AFF2: variants seen among roughly 807,000 people sequenced by gnomAD.
AFF2 encodes AF4/FMR2 family member 2.
Under a neutral mutation model 76.9 loss-of-function variants are expected in AFF2, and 14 were observed. The ratio of observed to expected loss-of-function variants is 0.18; its 90% CI spans 0.12 to 0.28. The LOEUF (loss-of-function observed/expected upper bound fraction) is 0.28, where lower values mean the gene tolerates loss of function less well. AFF2 is among the 10% of genes least tolerant of loss of function. The pLI is 1.00. For synonymous variants in AFF2, 398 were observed against 366.7 expected, an observed-to-expected ratio of 1.09 and a Z score of -0.98; for missense variants, 868 against 1,001.1, an observed-to-expected ratio of 0.87 and a Z score of 1.79.
intron 1 of AFF2, among the ~76,000 whole-genome samples, chrX:148,643,317 G>A (rs200596007): frequency 2.7e-5 from 3 of 111,546 alleles, no homozygotes; most frequent in Admixed American, 1.9e-4. Context: ...TTCACTATCC[G>A]ATTACATATT....
rs150969418 is a variant in AFF2 at position 148,557,913 on chromosome X, T to C, written c.47+56769T>C. Among the ~76,000 whole-genome samples the C allele has an allele frequency of 5.4e-3, 609 of 112,051 alleles. 7 individuals are homozygous for C. The highest frequency in any genetic ancestry group is 0.027 in the Middle Eastern group (6 of 219). ...ATCCTTTCAAATGGTGCCAATTATA[T>C]TCACAGAGAGGTTAAATAACTTGTC... On this transcript the variant is annotated intron_variant, in intron 1 of 20. Coordinates refer to ENST00000370460, the MANE Select transcript of AFF2 (RefSeq NM_002025.4).
At chrX:148,819,506 G>A (rs1299960194) in intron 4 of AFF2, among the ~76,000 whole-genome samples, 1 of 110,961 alleles carries the variant, frequency 9.0e-6, no homozygotes, top group Non-Finnish European at 1.9e-5. Context: ...TACTAAATCA[G>A]GTTGTCTATT....
At chrX:148,712,393 TA>T (rs782372495) in intron 3 of AFF2, among the ~76,000 whole-genome samples, 1 of 111,322 alleles carries the variant, frequency 9.0e-6, no homozygotes, top group African/African-American at 3.3e-5. Flanking sequence ...ATTTCATATA[TA>T]AAAAAATCTG....
intron 3 of AFF2, among the ~76,000 whole-genome samples, chrX:148,694,019 G>C (rs1333049597): frequency 1.8e-5 from 2 of 110,314 alleles, no homozygotes; most frequent in Non-Finnish European, 3.8e-5. Context: ...GTCCTTTGTA[G>C]GGACATGGAT....
chrX:148,501,315 C>G (rs1350693959), intron 1 of AFF2, among the ~76,000 whole-genome samples, 171 bp downstream of exon 1: 1 of 112,489 alleles, frequency 8.9e-6, no homozygotes, highest in African/African-American at 3.2e-5. Context: ...GGTCGGATGC[C>G]GGGGTGGGGG....
At chrX:148,536,322 T>C (rs782800734) in intron 1 of AFF2, among the ~76,000 whole-genome samples, 2 of 111,790 alleles carry the variant, frequency 1.8e-5, no homozygotes, top group East Asian at 2.8e-4. Flanking sequence ...ATCTTGTGCC[T>C]GGTTGTGGGT....
At chrX:148,732,624 AACT>A (rs1437378937) in intron 3 of AFF2, among the ~76,000 whole-genome samples, 2 of 106,314 alleles carry the variant, frequency 1.9e-5, no homozygotes, top group Non-Finnish European at 3.9e-5. Flanking sequence ...AAAAAAAAAA[AACT>A]ACTGTGATTT....
intron 4 of AFF2, among the ~76,000 whole-genome samples, chrX:148,832,488 G>A (rs1438844160): frequency 8.9e-6 from 1 of 112,263 alleles, no homozygotes; most frequent in Non-Finnish European, 1.9e-5. Context: ...GTGTATGCAA[G>A]CTCCATCTTG....
At chrX:148,903,579 G>A (rs1163137064) in intron 8 of AFF2, among the ~76,000 whole-genome samples, 1 of 112,231 alleles carries the variant, frequency 8.9e-6, no homozygotes, top group Non-Finnish European at 1.9e-5. Context: ...CTAAGGCAAT[G>A]CAGGCCGAGA....
Position 148,770,412 on chromosome X carries a change from G to C in AFF2, c.1042-39464G>C, listed in dbSNP as rs1056934630. ...TTACTCCTAGATACACTTTAATCCT[G>C]TTTGGCAGGGTCCCACACACTTGAA... On this transcript the variant is annotated intron_variant, in intron 3 of 20. Coordinates refer to ENST00000370460, the MANE Select transcript of AFF2 (RefSeq NM_002025.4). 2.7e-5 allele frequency among the ~76,000 whole-genome samples: 3 copies of C among 112,015 alleles called. No homozygotes were observed. In the Admixed American group the frequency reaches 2.8e-4, roughly 11 times the overall value.
Position 148,591,175 on chromosome X carries a change from T to C in AFF2, c.48-60824T>C, listed in dbSNP as rs924195027. Among the ~76,000 whole-genome samples the C allele has an allele frequency of 2.7e-5, 3 of 112,346 alleles. No individual in the cohort carries two copies. In the Admixed American group the frequency reaches 2.8e-4, roughly 11 times the overall value. On this transcript the variant is annotated intron_variant, in intron 1 of 20. Coordinates refer to ENST00000370460, the MANE Select transcript of AFF2 (RefSeq NM_002025.4). Reference sequence around the variant, plus strand: ...CATTGGTAGTATCATCCAAATATAATATTGGACCTAAATGCCATCAGCAGA... The same window carrying C: ...CATTGGTAGTATCATCCAAATATAACATTGGACCTAAATGCCATCAGCAGA...
intron 16 of AFF2, among the ~76,000 whole-genome samples, chrX:148,977,394 C>A (rs1044100685): frequency 9.1e-6 from 1 of 109,876 alleles, no homozygotes; most frequent in East Asian, 2.8e-4. Flanking sequence ...AAAAACCAAA[C>A]CACTTTCAAT....
intron 3 of AFF2, among the ~76,000 whole-genome samples, chrX:148,723,149 G>A (rs1603287490): frequency 8.9e-6 from 1 of 111,918 alleles, no homozygotes; most frequent in East Asian, 2.9e-4. Flanking sequence ...CCCCCATGCT[G>A]AGTGCTGGGC....
intron 7 of AFF2, among the ~76,000 whole-genome samples, chrX:148,863,134 A>G (rs2070869289): frequency 8.9e-6 from 1 of 112,068 alleles, no homozygotes; most frequent in Non-Finnish European, 1.9e-5. Flanking sequence ...TGAAATTTTT[A>G]TTTCTGGAAT....
At chrX:148,552,609 G>A in intron 1 of AFF2, among the ~76,000 whole-genome samples, 1 of 112,142 alleles carries the variant, frequency 8.9e-6, no homozygotes, top group East Asian at 2.8e-4. Context: ...TTCTCAAAGT[G>A]TTCTGAGCAG....
chrX:148,743,337 G>A (rs1298055569), intron 3 of AFF2, among the ~76,000 whole-genome samples: 1 of 112,109 alleles, frequency 8.9e-6, no homozygotes, highest in Non-Finnish European at 1.9e-5. Flanking sequence ...TGAAAGTGAA[G>A]ATTTTACAGA....
intron 1 of AFF2, among the ~76,000 whole-genome samples, chrX:148,632,073 T>C (rs1385736047): frequency 1.8e-5 from 2 of 112,131 alleles, no homozygotes; most frequent in Non-Finnish European, 3.8e-5. Context: ...ATGAACCTGG[T>C]AGTGAGAGAC....
chrX:148,565,487 A>G (rs2053159280), intron 1 of AFF2, among the ~76,000 whole-genome samples: 1 of 111,539 alleles, frequency 9.0e-6, no homozygotes, highest in Non-Finnish European at 1.9e-5. Flanking sequence ...TCATTCGAGT[A>G]TGTTAGTTTT....
At chrX:148,640,810 T>TCC (rs1490034676) in intron 1 of AFF2, among the ~76,000 whole-genome samples, 1 of 112,190 alleles carries the variant, frequency 8.9e-6, no homozygotes, top group Non-Finnish European at 1.9e-5. Context: ...GTTTCCAGCT[T>TCC]CCCCAAGGCG....
Sources: allele counts gnomAD v4.1 joint callset (sites outside exome capture counted in the v4.1 genomes callset), GRCh38; gene constraint gnomAD v4.1.1; transcripts MANE v1.5; gene names NCBI Gene and HGNC (gene_info 2026-07-23, HGNC 2026-07-21).